Variants in MUC4 observed in about 807,000 individuals in gnomAD.
MUC4 encodes the protein mucin 4, cell surface associated.
MUC4 carries 202 observed loss-of-function variants against 257.9 expected under a neutral mutation model. The observed-to-expected ratio is 0.78, with a 90% CI of 0.70 to 0.88. MUC4 has a LOEUF of 0.88. MUC4 is among the 40% of genes least tolerant of loss of function. The pLI is 0.00. For missense variants in MUC4, 5,976 were observed against 6,513.7 expected, an observed-to-expected ratio of 0.92 and a Z score of 2.84; for synonymous variants, 2,351 against 2,757.1, an observed-to-expected ratio of 0.85 and a Z score of 4.62.
intron 7 of MUC4, among the ~76,000 whole-genome samples, chr3:195,767,834 ACCACCACCACCATCG>A (rs1560265576): frequency 3.4e-5 from 4 of 116,516 alleles, no homozygotes; most frequent in South Asian, 2.9e-4. Context: ...CACCACCATC[ACCACCACCACCATCG>A]CCACCATCAC....
rs1319405709 is a variant in MUC4 at position 195,788,140 on chromosome 3, G to C, written c.3440C>G (p.Thr1147Arg). 42 of 1,459,228 alleles carry C rather than the reference G, an allele frequency of 2.9e-5. 2 individuals carry two copies. Among genetic ancestry groups the C allele is most frequent in the Non-Finnish European group, 3.8e-5 (42 of 1,096,964 alleles). 90.4% of individuals were successfully genotyped at this position (1,459,228 alleles called of 1,614,324 possible). A position where few individuals can be genotyped will look rare whatever the true frequency, so the allele number is the denominator to read the frequency against. Residue 1147 changes from threonine to arginine, a missense_variant, in exon 2 of 25, where the codon ACA becomes AGA. By Grantham distance (71) the Thr-to-Arg change is moderately conservative (BLOSUM62 -1). Transcript: ENST00000463781. ...LPVTDTSSVS[T>R]GHTTPLHVTD... ...GACATGAAGAGGGGTGGTGTGACCT[G>C]TGGATACTGAGGAAGTGTCGGTGAC...
At chr3:195,767,585 TCACCAC>T (rs1257823008) in intron 7 of MUC4, among the ~76,000 whole-genome samples, 3 of 58,736 alleles carry the variant, frequency 5.1e-5, no homozygotes, top group African/African-American at 1.9e-4. Context: ...ACCACCACCA[TCACCAC>T]CACCACCATC....
Position 195,766,673 on chromosome 3 carries a change from A to G in MUC4, c.13608T>C (p.Asn4536=), listed in dbSNP as rs772213022. The change falls in exon 8 of 25, where the codon AAT becomes AAC. Residue 4536 remains asparagine (N), a synonymous_variant. Coordinates refer to ENST00000463781, the MANE Select transcript of MUC4 (RefSeq NM_018406.7). ...WERYRPDRFL[N]SNSGLQGLQF... Reference sequence around the variant, plus strand: ...AGGTGGCACTTTTACCTGAGTTGGAATTCAGGAATCTATCAGGGCGATACC... The same window carrying G: ...AGGTGGCACTTTTACCTGAGTTGGAGTTCAGGAATCTATCAGGGCGATACC... 14 of 1,614,026 alleles carry G rather than the reference A, an allele frequency of 8.7e-6. No homozygotes were observed. In the Admixed American group the frequency reaches 2.2e-4, roughly 25 times the overall value.
Position 195,778,873 on chromosome 3 carries a change from C to A in MUC4, c.12707G>T (p.Gly4236Val). Residue 4236 changes from glycine (G) to valine (V), a missense_variant, in exon 2 of 25, where the codon GGT becomes GTT. By Grantham distance (109) the Gly-to-Val change is moderately radical. This residue lies in a region of MUC4 where 233 missense variants were observed against 171.2 expected (regional missense o/e 1.36). Coordinates refer to ENST00000463781, the MANE Select transcript of MUC4 (RefSeq NM_018406.7). ...GCTGACAGCAAGAGGGGTGGCGTGA[C>A]CTGTGGATACTGAGGAAAGGCTGGT... ...PVTSLSSVST[G>V]HATPLAVSSA... 1.2e-6 allele frequency: 2 copies of A among 1,607,504 alleles called. No individual in the cohort carries two copies. Among genetic ancestry groups the A allele is most frequent in the Non-Finnish European group, 1.7e-6 (2 of 1,177,390 alleles).
rs760409920 is a variant in MUC4, at chr3:195,759,251, C to T, written c.14859G>A (p.Pro4953=). Reference sequence around the variant, plus strand: ...TCACACGACCACCATTGATGGAGGGCGGGTACTGATCTGAAACACAAAGAG... The same window carrying T: ...TCACACGACCACCATTGATGGAGGGTGGGTACTGATCTGAAACACAAAGAG... ...EQANATLNQY[P]PSINGGRVIE... The change falls in exon 17 of 25, where the codon CCG becomes CCA. Residue 4953 remains proline (P), a synonymous_variant. Transcript: ENST00000463781. The T allele has an allele frequency of 4.2e-5, 67 of 1,613,836 alleles. No individual in the cohort carries two copies. Among genetic ancestry groups the T allele is most frequent in the African/African-American group, 2.7e-5 (2 of 74,882 alleles).
At chr3:195,752,282 G>T in intron 21 of MUC4, 91 bp downstream of exon 21, 1 of 1,208,688 alleles carries the variant, frequency 8.3e-7, no homozygotes, top group South Asian at 1.2e-5. Flanking sequence ...CCAGATGGAT[G>T]ACAAGATGAA....
rs55917029 is a variant in MUC4, at chr3:195,781,496, G to A, written c.10084C>T (p.Pro3362Ser). Residue 3362 changes from proline to serine, a missense_variant, in exon 2 of 25, where the codon CCT (proline) becomes TCT (serine). By Grantham distance (74) the Pro-to-Ser change is moderately conservative. This residue lies in a region of MUC4 where 5 missense variants were observed against 18.8 expected (regional missense o/e 0.27). Coordinates refer to ENST00000463781, the MANE Select transcript of MUC4 (RefSeq NM_018406.7). Reference sequence around the variant, plus strand: ...GAAGCTGAGGAAAGGCCGGTGACAGGAAGAGGGGTGGCGTGACCTGTGGAT... The same window carrying A: ...GAAGCTGAGGAAAGGCCGGTGACAGAAAGAGGGGTGGCGTGACCTGTGGAT... ...SVSTGHATPLPVTGLSSASTG... is the reference protein window; with the variant it reads ...SVSTGHATPLSVTGLSSASTG... The A allele has an allele frequency of 0.022, 32,575 of 1,513,624 alleles. 1,087 individuals carry two copies. The highest frequency in any genetic ancestry group is 0.074 in the African/African-American group (4,697 of 63,604). 93.8% of individuals were successfully genotyped at this position (1,513,624 alleles called of 1,614,324 possible).
At chr3:195,750,696 C>A in intron 23 of MUC4, 193 bp downstream of exon 23, 1 of 614,862 alleles carries the variant, frequency 1.6e-6, no homozygotes, top group Non-Finnish European at 2.9e-6. Flanking sequence ...AAGCTGTATA[C>A]GTGTGACTGC....
chr3:195,778,052 TC>T (rs994273432), intron 3 of MUC4, among the ~76,000 whole-genome samples: 8 of 152,018 alleles, frequency 5.3e-5, no homozygotes, highest in Non-Finnish European at 1.0e-4. Flanking sequence ...CTGGGATGAG[TC>T]CTCTAACCGC....
chr3:195,769,145 G>T lies in MUC4; in HGVS notation c.13406C>A (p.Thr4469Asn). ...GTCCGTGGAGAGGATGGCTTGGTAGGTGTTGCTCTGGGGGTGGGTGGAAGA... is the reference window on the plus strand; with the variant it reads ...GTCCGTGGAGAGGATGGCTTGGTAGTTGTTGCTCTGGGGGTGGGTGGAAGA... ...YPAQWTLGSN[T>N]YQAILSTDGS... is the part of the protein sequence containing the mutation. Residue 4469 changes from threonine to asparagine, a missense_variant, in exon 7 of 25, where the codon ACC becomes AAC. By Grantham distance (65) the Thr-to-Asn change is moderately conservative. Transcript: ENST00000463781. 1 of 1,614,084 alleles carries T rather than the reference G, an allele frequency of 6.2e-7. No homozygotes were observed. The highest frequency in any genetic ancestry group is 1.1e-5 in the South Asian group (1 of 91,068).
intron 18 of MUC4, among the ~76,000 whole-genome samples, chr3:195,754,885 GTATGTATC>G (rs2148770402): frequency 1.6e-5 from 1 of 63,508 alleles, no homozygotes; most frequent in East Asian, 5.6e-4. Context: ...ATGTATCCAT[GTATGTATC>G]CATGTATGTA....
chr3:195,754,903 A>G (rs563064850), intron 18 of MUC4, among the ~76,000 whole-genome samples: 455 of 30,712 alleles, frequency 0.015, 5 homozygotes, highest in African/African-American at 0.05. Context: ...CCATGTATGT[A>G]TGTGTGTGTC....
At chr3:195,808,964 C>T (rs1397134459) in intron 1 of MUC4, among the ~76,000 whole-genome samples, 1 of 152,192 alleles carries the variant, frequency 6.6e-6, no homozygotes, top group Non-Finnish European at 1.5e-5. Context: ...GTCCCCTCCC[C>T]TGCCTGCCCT....
intron 18 of MUC4, 113 bp from the exon 19 acceptor site, chr3:195,754,485 C>T: frequency 9.1e-6 from 12 of 1,315,586 alleles, no homozygotes; most frequent in Non-Finnish European, 1.2e-5. Context: ...AGTCATGTCT[C>T]AGCCCCACCA....
In MUC4 at chr3:195,781,435, A is replaced by G. The variant is rs566757596; in HGVS notation, c.10145T>C (p.Ile3382Thr). 1,281 of 1,347,838 alleles carry G rather than the reference A, an allele frequency of 9.5e-4. 114 individuals are homozygous for G. In the African/African-American group the frequency reaches 0.024, roughly 26 times the overall value. The allele number at this position is 1,347,838 out of a possible 1,614,324, so 83.5% of individuals were successfully genotyped here. The change falls in exon 2 of 25, where the codon ATT becomes ACT. Residue 3382 changes from isoleucine (I) to threonine (T), a missense_variant. Physicochemically the swap from Ile to Thr is moderately conservative, Grantham distance 89. Coordinates refer to ENST00000463781, the MANE Select transcript of MUC4 (RefSeq NM_018406.7). ...GGCCTGACCTGTGGATGCCGAGGAA[A>G]TGTCGGTGACAGGAAGACGGGTGGT... ...GDTTRLPVTD[I>T]SSASTGQATP...
intron 20 of MUC4, among the ~76,000 whole-genome samples, chr3:195,752,779 C>T (rs971295873): frequency 3.3e-5 from 5 of 152,218 alleles, no homozygotes; most frequent in African/African-American, 9.6e-5. Context: ...CACTATGCTC[C>T]GGGCCTCCCC....
intron 5 of MUC4, 26 bp downstream of exon 5, chr3:195,771,625 CT>C: frequency 6.2e-7 from 1 of 1,603,402 alleles, no homozygotes; most frequent in Non-Finnish European, 8.5e-7. Flanking sequence ...CTGGGGGATC[CT>C]GACTGCCAGG....
chr3:195,792,643 A>T (rs919083361), intron 1 of MUC4, among the ~76,000 whole-genome samples: 2 of 152,246 alleles, frequency 1.3e-5, no homozygotes, highest in African/African-American at 4.8e-5. Flanking sequence ...ATATGCCCAA[A>T]GGAATATAAA....
chr3:195,800,994 C>T (rs140561024), intron 1 of MUC4, among the ~76,000 whole-genome samples: 207 of 152,070 alleles, frequency 1.4e-3, no homozygotes, highest in African/African-American at 4.9e-3. Flanking sequence ...GTGGACCCCA[C>T]GTTCAGAAAC....
Sources: gnomAD v4.1 joint callset for allele counts (sites outside exome capture counted in the v4.1 genomes callset) on GRCh38, gnomAD v4.1.1 for gene constraint, gnomAD v4.1.1 regional missense constraint, MANE v1.5 for transcripts, NCBI Gene and HGNC (gene_info 2026-07-23, HGNC 2026-07-21) for gene names.